BCL2L13: variants seen among roughly 807,000 people sequenced by gnomAD.
The protein encoded by BCL2L13 is BCL2 like 13.
A neutral mutation model predicts 25.8 loss-of-function variants in BCL2L13; 13 were observed. The observed-to-expected ratio is 0.50, with a 90% CI of 0.33 to 0.80. BCL2L13 has a LOEUF of 0.80. Among genes scored for constraint, BCL2L13 ranks in the 30% least tolerant of loss-of-function variants. BCL2L13 has a pLI of 0.02. For synonymous variants in BCL2L13, 244 were observed against 230.3 expected (o/e 1.06, Z -0.54); for missense variants, 504 against 574.9 (o/e 0.88, Z 1.26).
chr22:17,712,090 C>T (rs2060780151), intron 6 of BCL2L13, among the ~76,000 whole-genome samples: 1 of 151,748 alleles, frequency 6.6e-6, no homozygotes, highest in Non-Finnish European at 1.5e-5. Context: ...TGTTTTAAGC[C>T]ACTTGTAGTG....
chr22:17,708,951 C>T, intron 6 of BCL2L13, among the ~76,000 whole-genome samples: 1 of 152,140 alleles, frequency 6.6e-6, no homozygotes, highest in East Asian at 1.9e-4. Flanking sequence ...TTAAGAGAGG[C>T]TCGGCCGAGC....
At chr22:17,695,241 G>A (rs1340202420) in intron 4 of BCL2L13, among the ~76,000 whole-genome samples, 2 of 152,170 alleles carry the variant, frequency 1.3e-5, no homozygotes, top group Non-Finnish European at 2.9e-5. Flanking sequence ...AACTGCAAGG[G>A]GCTGGAAAAT....
intron 2 of BCL2L13, among the ~76,000 whole-genome samples, chr22:17,676,539 G>A (rs1480104127): frequency 6.6e-6 from 1 of 152,204 alleles, no homozygotes; most frequent in African/African-American, 2.4e-5. Context: ...TAGAAGGCCT[G>A]ACTCCAAAGC....
intron 1 of BCL2L13, among the ~76,000 whole-genome samples, chr22:17,642,710 CAGCCTTCCAAGT>C: frequency 6.6e-6 from 1 of 152,076 alleles, no homozygotes; most frequent in Middle Eastern, 3.4e-3. Context: ...TCTCCTGCCT[CAGCCTTCCAAGT>C]AGCTGGGATT....
At chr22:17,646,955 A>ATATT (rs768488873) in intron 1 of BCL2L13, among the ~76,000 whole-genome samples, 37 of 22,182 alleles carry the variant, frequency 1.7e-3, no homozygotes, top group Non-Finnish European at 2.4e-3. Context: ...ATATATATAT[A>ATATT]TTTTTTTTTT....
intron 6 of BCL2L13, among the ~76,000 whole-genome samples, chr22:17,710,809 G>A (rs2060733445): frequency 6.6e-6 from 1 of 151,986 alleles, no homozygotes; most frequent in African/African-American, 2.4e-5. Context: ...TCCAAGAGGC[G>A]GAGCTTGCAG....
chr22:17,646,635 A>G (rs2058481697), intron 1 of BCL2L13, among the ~76,000 whole-genome samples: 1 of 150,048 alleles, frequency 6.7e-6, no homozygotes, highest in African/African-American at 2.5e-5. Flanking sequence ...GAATTTTAAG[A>G]GGTCCTATTA....
In BCL2L13 at chr22:17,652,623, G is replaced by C. The variant is rs529089363; in HGVS notation, c.-50-3039G>C. On this transcript the variant is annotated intron_variant, in intron 1 of 6. Coordinates refer to ENST00000317582, the MANE Select transcript of BCL2L13 (RefSeq NM_015367.4). ...CTGGCTAATTTTTGTATTTTTAGTAGAGATGGGGTTTTGCCATGTTGGCCA... is the reference window on the plus strand; with the variant it reads ...CTGGCTAATTTTTGTATTTTTAGTACAGATGGGGTTTTGCCATGTTGGCCA... Among the ~76,000 whole-genome samples the C allele has an allele frequency of 1.1e-4, 16 of 152,218 alleles. 2 individuals are homozygous for C. The Middle Eastern group carries it at 0.02, about 194-fold the overall frequency.
At chr22:17,696,377 G>C (rs1196997150) in intron 5 of BCL2L13, among the ~76,000 whole-genome samples, 167 bp downstream of exon 5, 1 of 152,184 alleles carries the variant, frequency 6.6e-6, no homozygotes, top group Non-Finnish European at 1.5e-5. Flanking sequence ...GATTAATGCT[G>C]CAAGGTCCTG....
intron 1 of BCL2L13, among the ~76,000 whole-genome samples, chr22:17,641,067 T>A (rs1436894988): frequency 6.6e-6 from 1 of 151,984 alleles, no homozygotes; most frequent in Non-Finnish European, 1.5e-5. Flanking sequence ...ATTTTTTGTA[T>A]TTTTAGTAGA....
At chr22:17,643,353 C>G (rs2058355887) in intron 1 of BCL2L13, among the ~76,000 whole-genome samples, 1 of 152,128 alleles carries the variant, frequency 6.6e-6, no homozygotes, top group South Asian at 2.1e-4. Flanking sequence ...ATCCGCCCGC[C>G]TTAGCCTCCC....
chr22:17,721,493 T>G (rs2061128385), intron 6 of BCL2L13, among the ~76,000 whole-genome samples: 2 of 110,166 alleles, frequency 1.8e-5, no homozygotes, highest in South Asian at 2.4e-4. Context: ...ATGGAAATAG[T>G]TTTTTTTTTT....
rs1172726893 is a variant in BCL2L13 at position 17,727,050 on chromosome 22, C to T, written c.974C>T (p.Ala325Val). The change falls in exon 7 of 7, where the codon GCT becomes GTT. Residue 325 changes from alanine (A) to valine (V), a missense_variant. Coordinates refer to ENST00000317582, the MANE Select transcript of BCL2L13 (RefSeq NM_015367.4). The part of the protein sequence containing the change: ...VPEGMEEAAV[A>V]SVVLPARELQ... Reference sequence around the variant, plus strand: ...GAGGGCATGGAAGAGGCTGCTGTGGCTTCTGTGGTCTTGCCAGCGCGGGAG... The same window carrying T: ...GAGGGCATGGAAGAGGCTGCTGTGGTTTCTGTGGTCTTGCCAGCGCGGGAG... 2 of 1,614,228 alleles carry T rather than the reference C, an allele frequency of 1.2e-6. No individual in the cohort carries two copies. Among genetic ancestry groups the T allele is most frequent in the Non-Finnish European group, 1.7e-6 (2 of 1,180,048 alleles).
intron 2 of BCL2L13, among the ~76,000 whole-genome samples, chr22:17,660,129 T>C (rs1487574420): frequency 6.8e-6 from 1 of 146,706 alleles, no homozygotes; most frequent in African/African-American, 2.4e-5. Context: ...AGTGCTGGGA[T>C]TACAGGCACG....
chr22:17,714,198 C>A (rs1444600228), intron 6 of BCL2L13, among the ~76,000 whole-genome samples: 2 of 152,004 alleles, frequency 1.3e-5, no homozygotes, highest in Non-Finnish European at 2.9e-5. Flanking sequence ...GAGGCTGAGG[C>A]AGGAGAAAGG....
At position 17,721,950 on chromosome 22, in the gene BCL2L13, G is replaced by A. The variant is rs147803889; in HGVS notation, c.601-4727G>A. Among the ~76,000 whole-genome samples, 609 of 152,066 alleles carry A rather than the reference G, an allele frequency of 4.0e-3. 3 individuals carry two copies. Among genetic ancestry groups the A allele is most frequent in the African/African-American group, 0.014 (587 of 41,474 alleles). On this transcript the variant is annotated intron_variant, in intron 6 of 6. Transcript: ENST00000317582. ...GCTGGGATTACAGGCATGAGCCACC[G>A]CGCCCGGCCAAGAAATTTTTATGAT...
chr22:17,700,460 G>T lies in BCL2L13; in HGVS notation c.457-1783G>T, dbSNP rs558166058. On this transcript the variant is annotated intron_variant, in intron 5 of 6. Transcript: ENST00000317582. ...TATTTACAACTCATTTCCCCAAGAG[G>T]TAATAGAGCTTAAACATGAATAACT... Among the ~76,000 whole-genome samples the T allele has an allele frequency of 1.4e-4, 22 of 152,262 alleles. No individual in the cohort carries two copies. The South Asian group carries it at 4.4e-3, about 30-fold the overall frequency.
At chr22:17,640,136 G>T (rs1451531275) in intron 1 of BCL2L13, among the ~76,000 whole-genome samples, 1 of 152,190 alleles carries the variant, frequency 6.6e-6, no homozygotes, top group Non-Finnish European at 1.5e-5. Flanking sequence ...TTACAGGCGT[G>T]AGCCACCGCG....
intron 2 of BCL2L13, among the ~76,000 whole-genome samples, chr22:17,658,060 T>C (rs1398047328): frequency 6.6e-6 from 1 of 151,678 alleles, no homozygotes; most frequent in Non-Finnish European, 1.5e-5. Context: ...GACCTCGTGA[T>C]CCGCCCTCCT....
Sources: gnomAD v4.1 joint callset for allele counts (sites outside exome capture counted in the v4.1 genomes callset) on GRCh38, gnomAD v4.1.1 for gene constraint, MANE v1.5 for transcripts, NCBI Gene and HGNC (gene_info 2026-07-23, HGNC 2026-07-21) for gene names.